Variants in TNPO1 observed in about 807,000 individuals in gnomAD.
TNPO1 encodes the protein transportin-1.
In TNPO1, 8 loss-of-function variants were observed where a neutral mutation model predicts 119.5. The ratio of observed to expected loss-of-function variants is 0.07; its 90% CI spans 0.04 to 0.12. TNPO1 has a LOEUF of 0.12. Among genes scored for constraint, TNPO1 ranks in the 10% least tolerant of loss-of-function variants. TNPO1 has a pLI of 1.00. For synonymous variants in TNPO1, 362 were observed against 363.0 expected (o/e 1.00, Z 0.03); for missense variants, 576 against 1,089.8 (o/e 0.53, Z 6.64).
rs552400722 is a variant in TNPO1 at position 72,848,371 on chromosome 5, G to A, written c.16-14G>A. ...AGTTGCTCCGTCTCTTCCTGTGTCT[G>A]GCTTTATTTGCAGCAAACCAAGATG... On this transcript the variant is annotated splice_polypyrimidine_tract_variant and intron_variant, in intron 1 of 24. Transcript: ENST00000337273. 1.5e-5 allele frequency: 24 copies of A among 1,608,830 alleles called. No individual in the cohort carries two copies. The highest frequency in any genetic ancestry group is 3.3e-4 in the Middle Eastern group (2 of 6,042).
chr5:72,902,175 T>C (rs1435493710), intron 22 of TNPO1, among the ~76,000 whole-genome samples: 4 of 152,194 alleles, frequency 2.6e-5, no homozygotes, highest in African/African-American at 9.6e-5. Flanking sequence ...AAAAATGCTT[T>C]TATAGCAATA....
chr5:72,889,546 T>G (rs1748902376), intron 13 of TNPO1, among the ~76,000 whole-genome samples: 1 of 152,152 alleles, frequency 6.6e-6, no homozygotes, highest in Admixed American at 6.5e-5. Flanking sequence ...CCCTGCCATC[T>G]TGAGACTTAC....
chr5:72,900,116 T>G (rs1363490635), intron 21 of TNPO1, 35 bp downstream of exon 21: 3 of 1,544,616 alleles, frequency 1.9e-6, no homozygotes, highest in Non-Finnish European at 2.7e-6. Flanking sequence ...TTAATTCATT[T>G]TTCTTCACTC....
intron 22 of TNPO1, 51 bp from the exon 23 acceptor site, chr5:72,903,658 G>T: frequency 1.6e-6 from 2 of 1,260,382 alleles, no homozygotes; most frequent in South Asian, 2.7e-5. Flanking sequence ...ATCTTTTGCT[G>T]AGTTTGACAA....
intron 22 of TNPO1, among the ~76,000 whole-genome samples, chr5:72,901,466 A>G (rs999243769): frequency 4.6e-5 from 7 of 152,256 alleles, no homozygotes; most frequent in Non-Finnish European, 1.0e-4. Context: ...TCTGAATAAA[A>G]TACTTTGAAT....
At chr5:72,840,758 A>G (rs762399057) in intron 1 of TNPO1, among the ~76,000 whole-genome samples, 2 of 152,182 alleles carry the variant, frequency 1.3e-5, no homozygotes, top group African/African-American at 2.4e-5. Flanking sequence ...GTCATCTTCA[A>G]AGTTCTTCCA....
intron 1 of TNPO1, among the ~76,000 whole-genome samples, chr5:72,842,006 C>T (rs1744937718): frequency 6.6e-6 from 1 of 152,050 alleles, no homozygotes; most frequent in African/African-American, 2.4e-5. Flanking sequence ...AAAAATAATA[C>T]TTGCTACCTA....
chr5:72,902,107 G>A (rs1749840562), intron 22 of TNPO1, among the ~76,000 whole-genome samples: 2 of 151,710 alleles, frequency 1.3e-5, no homozygotes, highest in Non-Finnish European at 2.9e-5. Context: ...AGGGAGGGAA[G>A]CAAAGAACTA....
At chr5:72,876,395 G>C (rs189785926) in intron 8 of TNPO1, among the ~76,000 whole-genome samples, 2 of 152,314 alleles carry the variant, frequency 1.3e-5, no homozygotes, top group Admixed American at 1.3e-4. Flanking sequence ...AAAATCACGT[G>C]AGTGAATTTG....
chr5:72,867,765 G>C (rs1386488783), intron 6 of TNPO1, among the ~76,000 whole-genome samples: 2 of 152,180 alleles, frequency 1.3e-5, no homozygotes, highest in Non-Finnish European at 2.9e-5. Flanking sequence ...GAACTGCACA[G>C]TACTGAATGT....
At chr5:72,905,007 T>C (rs1285748194) in intron 23 of TNPO1, among the ~76,000 whole-genome samples, 4 of 152,134 alleles carry the variant, frequency 2.6e-5, no homozygotes, top group Non-Finnish European at 4.4e-5. Flanking sequence ...ATGAGACTTA[T>C]TCACTACCAC....
intron 4 of TNPO1, among the ~76,000 whole-genome samples, chr5:72,858,379 A>G (rs1339291992): frequency 6.6e-6 from 1 of 152,214 alleles, no homozygotes; most frequent in Non-Finnish European, 1.5e-5. Context: ...TAAAACAGCT[A>G]TGAGCTTGAA....
intron 1 of TNPO1, among the ~76,000 whole-genome samples, chr5:72,838,314 A>G (rs1181684729): frequency 6.6e-6 from 1 of 152,224 alleles, no homozygotes; most frequent in Non-Finnish European, 1.5e-5. Context: ...ATCGAACGGC[A>G]ATAAAACAGT....
intron 9 of TNPO1, among the ~76,000 whole-genome samples, chr5:72,878,149 TAG>T (rs377123489): frequency 1.9e-4 from 28 of 150,168 alleles, no homozygotes; most frequent in African/African-American, 3.2e-4. Flanking sequence ...GTGTACGCTA[TAG>T]AGAGAGAGAG....
intron 11 of TNPO1, among the ~76,000 whole-genome samples, chr5:72,885,411 C>T (rs1373181138): frequency 2.6e-5 from 4 of 152,188 alleles, no homozygotes; most frequent in Non-Finnish European, 1.5e-5. Flanking sequence ...AATATACATA[C>T]ATGGATGGGG....
At chr5:72,880,969 C>T (rs991642179) in intron 9 of TNPO1, among the ~76,000 whole-genome samples, 3 of 152,094 alleles carry the variant, frequency 2.0e-5, no homozygotes, top group Admixed American at 6.6e-5. Context: ...CGGTTAATTT[C>T]CATGTCTTAT....
chr5:72,900,801 A>G (rs1329638495), intron 21 of TNPO1, 173 bp from the exon 22 acceptor site: 4 of 416,320 alleles, frequency 9.6e-6, no homozygotes, highest in Non-Finnish European at 1.7e-5. Flanking sequence ...TTGAGATAAG[A>G]TGGGCCCAAC....
chr5:72,875,813 G>T, intron 8 of TNPO1, 76 bp downstream of exon 8: 1 of 1,464,320 alleles, frequency 6.8e-7, no homozygotes. Flanking sequence ...ACAACATACC[G>T]GATGGGAAGG....
In TNPO1 at chr5:72,907,939, A is replaced by C. The variant is rs145138814; in HGVS notation, c.*36-770A>C. ...CATGGTGGTATGTACCTATGGTCCC[A>C]GCTACTCAGGAGACTGGGCAGGAGG... is the stretch of plus-strand genomic sequence containing the variant. On this transcript the variant is annotated intron_variant, in intron 24 of 24. Coordinates refer to ENST00000337273, the MANE Select transcript of TNPO1 (RefSeq NM_002270.4). Among the ~76,000 whole-genome samples, 581 of 152,126 alleles carry C rather than the reference A, an allele frequency of 3.8e-3. 4 individuals are homozygous for C. Among genetic ancestry groups the C allele is most frequent in the Admixed American group, 6.0e-3 (91 of 15,288 alleles).
Sources: gnomAD v4.1 joint callset for allele counts (sites outside exome capture counted in the v4.1 genomes callset) on GRCh38, gnomAD v4.1.1 for gene constraint, MANE v1.5 for transcripts, NCBI Gene and HGNC (gene_info 2026-07-23, HGNC 2026-07-21) for gene names.